TIA1: variants seen among roughly 807,000 people sequenced by gnomAD.
TIA1 encodes cytotoxic granule associated RNA binding protein TIA1.
Under a neutral mutation model 65.9 loss-of-function variants are expected in TIA1, and 23 were observed. The ratio of observed to expected loss-of-function variants is 0.35; its 90% CI spans 0.25 to 0.49. TIA1 has a LOEUF of 0.49. TIA1 is among the 20% of genes least tolerant of loss of function. The probability of loss-of-function intolerance (pLI) is 0.98; values close to 1 mark genes in which losing one functional copy is unlikely to be tolerated. For synonymous variants in TIA1, 147 were observed against 149.4 expected (o/e 0.98, Z 0.12); for missense variants, 371 against 477.9 (o/e 0.78, Z 2.09).
intron 2 of TIA1, among the ~76,000 whole-genome samples, chr2:70,235,208 G>A (rs1264439425): frequency 1.3e-5 from 2 of 152,170 alleles, no homozygotes; most frequent in Non-Finnish European, 2.9e-5. Context: ...CTGAGGTCGG[G>A]AGTTCTAAAC....
intron 2 of TIA1, among the ~76,000 whole-genome samples, chr2:70,235,541 A>AGTGAGTGT (rs1688460970): frequency 6.8e-6 from 1 of 147,204 alleles, no homozygotes; most frequent in African/African-American, 2.5e-5. Flanking sequence ...TAGATGAATG[A>AGTGAGTGT]GTGTGTGTGT....
At chr2:70,242,181 G>GT (rs1692114973) in intron 1 of TIA1, among the ~76,000 whole-genome samples, 1 of 151,978 alleles carries the variant, frequency 6.6e-6, no homozygotes, top group African/African-American at 2.4e-5. Context: ...ACAAAACTCT[G>GT]TACTATCTCT....
At chr2:70,238,203 GCAATTATTTCTA>G (rs1267179305) in intron 1 of TIA1, among the ~76,000 whole-genome samples, 1 of 146,334 alleles carries the variant, frequency 6.8e-6, no homozygotes, top group Non-Finnish European at 1.5e-5. Flanking sequence ...AAAAGGCATT[GCAATTATTTCTA>G]CTTCTATGGT....
rs560006426 is a variant in TIA1, at chr2:70,242,461, G to A, written c.26+5944C>T. On this transcript the variant is annotated intron_variant, in intron 1 of 12. Transcript: ENST00000433529. Reference sequence around the variant, plus strand: ...TTGCAGTGAGCCGAGATCTCACCACGGCAGTCCAGCCTGAGTGACAGAGAC... The same window carrying A: ...TTGCAGTGAGCCGAGATCTCACCACAGCAGTCCAGCCTGAGTGACAGAGAC... 5.4e-5 allele frequency among the ~76,000 whole-genome samples: 7 copies of A among 128,662 alleles called. No homozygotes were observed. The South Asian group carries it at 1.5e-3, about 27-fold the overall frequency. The allele number at this position is 128,662 out of a possible 152,430, so 84.4% of individuals were successfully genotyped here.
In TIA1 at chr2:70,215,397, G is replaced by C. The variant is rs143048026; in HGVS notation, c.862C>G (p.Leu288Val). 7 of 1,614,020 alleles carry C rather than the reference G, an allele frequency of 4.3e-6. No individual in the cohort carries two copies. The highest frequency in any genetic ancestry group is 1.3e-5 in the African/African-American group (1 of 75,030). ...TGTTGCACGGGATTTATCATATCAA[G>C]AGTTTCTTTGCCCCAATAGCATTTC... ...VVKCYWGKET[L>V]DMINPVQQQN... Residue 288 changes from leucine to valine, a missense_variant, in exon 11 of 13, where the codon CTT becomes GTT. Transcript: ENST00000433529.
At chr2:70,218,535 C>T (rs1320746115) in intron 7 of TIA1, among the ~76,000 whole-genome samples, 1 of 152,096 alleles carries the variant, frequency 6.6e-6, no homozygotes, top group African/African-American at 2.4e-5. Context: ...GGGTTCCTGC[C>T]ATTCTCCTGT....
In TIA1 at chr2:70,224,625, C is replaced by A. The variant is rs1683030295; in HGVS notation, c.403G>T (p.Ala135Ser). 2 of 1,613,466 alleles carry A rather than the reference C, an allele frequency of 1.2e-6. No homozygotes were observed. Among genetic ancestry groups the A allele is most frequent in the African/African-American group, 1.3e-5 (1 of 75,026 alleles). The change falls in exon 7 of 13, where the codon GCC (alanine) becomes TCC (serine). Residue 135 changes from alanine to serine, a missense_variant. Ala to Ser is a moderately conservative substitution (Grantham distance 99). Transcript: ENST00000433529. ...GTTGCCATGTCTTTTACCACTCGGG[C>A]ATCTCTGAAATCAGAAACAATCAGA... ...AFAPFGRISDARVVKDMATGK... is the reference protein window; with the variant it reads ...AFAPFGRISDSRVVKDMATGK...
At position 70,224,210 on chromosome 2, in the gene TIA1, G is replaced by A. The variant is rs779349487; in HGVS notation, c.474+344C>T. Reference sequence around the variant, plus strand: ...TGGGATTACAGGTGTGAGCCACTGCGTCCGGCCTCCTCACAGTATTTTATT... The same window carrying A: ...TGGGATTACAGGTGTGAGCCACTGCATCCGGCCTCCTCACAGTATTTTATT... On this transcript the variant is annotated intron_variant, in intron 7 of 12. Transcript: ENST00000433529. 9.8e-5 allele frequency among the ~76,000 whole-genome samples: 15 copies of A among 152,318 alleles called. No individual in the cohort carries two copies. The East Asian group carries it at 1.3e-3, about 14-fold the overall frequency.
intron 10 of TIA1, chr2:70,215,800 T>C (rs1055666015): frequency 3.1e-6 from 1 of 321,044 alleles, no homozygotes; most frequent in Admixed American, 4.8e-5. Flanking sequence ...CATGCTGGAG[T>C]GCAGTGATTG....
chr2:70,231,960 C>T (rs1043957517), intron 2 of TIA1, among the ~76,000 whole-genome samples: 12 of 151,128 alleles, frequency 7.9e-5, no homozygotes, highest in South Asian at 4.2e-4. Context: ...CCCAGCACTT[C>T]GAGAGGCCGA....
intron 6 of TIA1, among the ~76,000 whole-genome samples, chr2:70,226,940 T>G (rs935730995): frequency 6.6e-6 from 1 of 151,950 alleles, no homozygotes; most frequent in African/African-American, 2.4e-5. Flanking sequence ...TACTTTCCAG[T>G]CTCCTCATCT....
chr2:70,232,138 C>A (rs919321598), intron 2 of TIA1, among the ~76,000 whole-genome samples: 50 of 142,162 alleles, frequency 3.5e-4, no homozygotes, highest in African/African-American at 1.1e-3. Flanking sequence ...GGAGACGGAG[C>A]TTGCAGTGTG....
chr2:70,235,542 G>GTGTGTA (rs1688477208), intron 2 of TIA1, among the ~76,000 whole-genome samples: 1 of 28,008 alleles, frequency 3.6e-5, no homozygotes, highest in Non-Finnish European at 5.3e-5. Flanking sequence ...AGATGAATGA[G>GTGTGTA]TGTGTGTGTG....
At chr2:70,230,889 C>G in intron 2 of TIA1, 35 bp from the exon 3 acceptor site, 1 of 1,517,136 alleles carries the variant, frequency 6.6e-7, no homozygotes, top group Non-Finnish European at 9.0e-7. Context: ...CAATTTTAAG[C>G]TTTATTCACC....
At chr2:70,235,376 T>C (rs1191387051) in intron 2 of TIA1, among the ~76,000 whole-genome samples, 2 of 152,082 alleles carry the variant, frequency 1.3e-5, no homozygotes, top group African/African-American at 2.4e-5. Flanking sequence ...GATCGCACCA[T>C]TGTATTCCAG....
At chr2:70,225,269 G>C in intron 6 of TIA1, 1 of 1,222,098 alleles carries the variant, frequency 8.2e-7, no homozygotes, top group Non-Finnish European at 1.0e-6. Context: ...AAATTGATTG[G>C]AACTACAAGA....
intron 2 of TIA1, 23 bp from the exon 3 acceptor site, chr2:70,230,877 G>T: frequency 6.4e-7 from 1 of 1,570,388 alleles, no homozygotes; most frequent in Non-Finnish European, 8.6e-7. Context: ...AAACACAAAA[G>T]CCAATTTTAA....
intron 1 of TIA1, among the ~76,000 whole-genome samples, chr2:70,244,285 T>TC (rs1693232431): frequency 6.6e-6 from 1 of 152,052 alleles, no homozygotes; most frequent in Non-Finnish European, 1.5e-5. Context: ...ATCCACCCCT[T>TC]CCTCCTTACC....
intron 7 of TIA1, chr2:70,217,221 G>C: frequency 6.9e-6 from 2 of 290,816 alleles, no homozygotes; most frequent in Non-Finnish European, 6.1e-6. Flanking sequence ...ACCCAGGATG[G>C]AGTGCAGTGG....
Sources: gnomAD v4.1 joint callset for allele counts (sites outside exome capture counted in the v4.1 genomes callset) on GRCh38, gnomAD v4.1.1 for gene constraint, MANE v1.5 for transcripts, NCBI Gene and HGNC (gene_info 2026-07-23, HGNC 2026-07-21) for gene names.